The following PI4K2A variants were observed in gnomAD, a reference collection of about 807,000 sequenced individuals.
The protein encoded by PI4K2A is phosphatidylinositol 4-kinase type 2 alpha, also known as phosphatidylinositol 4-kinase type 2-alpha.
PI4K2A carries 20 observed loss-of-function variants against 55.0 expected under a neutral mutation model. The ratio of observed to expected loss-of-function variants is 0.36; its 90% CI spans 0.26 to 0.53. The LOEUF (loss-of-function observed/expected upper bound fraction) is 0.53, where lower values mean the gene tolerates loss of function less well. Ranked by LOEUF, PI4K2A falls within the 20% of genes least tolerant of loss-of-function variation. The pLI is 0.91. For synonymous variants in PI4K2A, 235 were observed against 258.5 expected, an observed-to-expected ratio of 0.91 and a Z score of 0.87; for missense variants, 463 against 637.1, an observed-to-expected ratio of 0.73 and a Z score of 2.94.
chr10:97,648,223 G>A (rs2041514867), intron 1 of PI4K2A, among the ~76,000 whole-genome samples: 1 of 151,472 alleles, frequency 6.6e-6, no homozygotes, highest in African/African-American at 2.4e-5. Flanking sequence ...CTCCCGAGTA[G>A]CTGGGACTAC....
chr10:97,641,261 G>A (rs1338904819), intron 1 of PI4K2A, 84 bp downstream of exon 1: 8 of 991,504 alleles, frequency 8.1e-6, no homozygotes, highest in Middle Eastern at 2.4e-4. Flanking sequence ...CAGCCAGAGG[G>A]AAAAGGGAGA....
At position 97,642,860 on chromosome 10, in the gene PI4K2A, T is replaced by C. The variant is rs1170463655; in HGVS notation, c.435+1683T>C. On this transcript the variant is annotated intron_variant, in intron 1 of 8. Coordinates refer to ENST00000370631, the Ensembl canonical transcript of PI4K2A. ...CTTCCTTCCTTCCTTCCTTTCTTTCTTTCTTTTTCTTTCTTTCTTTCTTTC... is the reference window on the plus strand; with the variant it reads ...CTTCCTTCCTTCCTTCCTTTCTTTCCTTCTTTTTCTTTCTTTCTTTCTTTC... Among the ~76,000 whole-genome samples the C allele has an allele frequency of 3.2e-3, 52 of 16,222 alleles. 5 individuals carry two copies. Among genetic ancestry groups the C allele is most frequent in the Middle Eastern group, 0.026 (1 of 38 alleles). 10.6% of individuals were successfully genotyped at this position (16,222 alleles called of 152,430 possible).
At chr10:97,658,212 T>C (rs1434178422) in intron 4 of PI4K2A, among the ~76,000 whole-genome samples, 1 of 152,220 alleles carries the variant, frequency 6.6e-6, no homozygotes, top group African/African-American at 2.4e-5. Flanking sequence ...CCTACGTCCC[T>C]GGCAACAATC....
intron 1 of PI4K2A, among the ~76,000 whole-genome samples, chr10:97,646,760 G>T (rs1376495592): frequency 6.6e-6 from 1 of 151,978 alleles, no homozygotes; most frequent in African/African-American, 2.4e-5. Context: ...CTGGGTTCCA[G>T]GTTCCAGTAA....
intron 2 of PI4K2A, 102 bp downstream of exon 2, chr10:97,651,243 T>A (rs2041528869): frequency 2.5e-6 from 2 of 800,140 alleles, no homozygotes; most frequent in African/African-American, 3.5e-5. Flanking sequence ...GTGGGGTCAT[T>A]TATACCCTAA....
chr10:97,673,802 G>C (rs1193501285), exon 9 of PI4K2A: 1 of 1,538,544 alleles, frequency 6.5e-7, no homozygotes, highest in Non-Finnish European at 8.9e-7. Flanking sequence ...CTGGGGAGTG[G>C]GGTGCAGGAA....
At chr10:97,657,330 A>T (rs2041559753) in intron 4 of PI4K2A, among the ~76,000 whole-genome samples, 1 of 152,152 alleles carries the variant, frequency 6.6e-6, no homozygotes, top group Non-Finnish European at 1.5e-5. Flanking sequence ...GTGCAATTTA[A>T]ATTCAACTAA....
intron 1 of PI4K2A, among the ~76,000 whole-genome samples, chr10:97,649,563 T>C (rs1371625585): frequency 6.6e-6 from 1 of 151,112 alleles, no homozygotes. Context: ...AGAGGAAATC[T>C]CTTCATCATT....
chr10:97,641,225 G>C (rs768725659), intron 1 of PI4K2A, 48 bp downstream of exon 1: 1 of 1,436,996 alleles, frequency 7.0e-7, no homozygotes, highest in Non-Finnish European at 9.5e-7. Context: ...GGCCGGCGGC[G>C]CTCCTGGGGA....
chr10:97,644,176 C>T (rs1215716271), intron 1 of PI4K2A, among the ~76,000 whole-genome samples: 1 of 152,144 alleles, frequency 6.6e-6, no homozygotes, highest in Non-Finnish European at 1.5e-5. Flanking sequence ...CATGGTGAAA[C>T]CCCATCTCTA....
At chr10:97,641,374 G>A (rs749433138) in intron 1 of PI4K2A, among the ~76,000 whole-genome samples, 197 bp downstream of exon 1, 62 of 152,120 alleles carry the variant, frequency 4.1e-4, no homozygotes, top group Non-Finnish European at 7.9e-4. Context: ...CTACTTGGTG[G>A]GGGAGGAGTG....
rs80186231 is a variant in PI4K2A, at chr10:97,672,336, C to T, written c.1279-1245C>T. Among the ~76,000 whole-genome samples the T allele has an allele frequency of 5.0e-3, 757 of 152,034 alleles. 7 individuals carry two copies. Among genetic ancestry groups the T allele is most frequent in the African/African-American group, 0.017 (694 of 41,506 alleles). On this transcript the variant is annotated intron_variant, in intron 8 of 8. Coordinates refer to ENST00000370631, the Ensembl canonical transcript of PI4K2A. The stretch of plus-strand genomic sequence containing the variant: ...GATTACAGACATGAGCCACTACGCC[C>T]GGACCAAAACCACCTATAATTTCTT...
At chr10:97,643,754 T>C (rs141571508) in intron 1 of PI4K2A, among the ~76,000 whole-genome samples, 1 of 152,222 alleles carries the variant, frequency 6.6e-6, no homozygotes, top group Non-Finnish European at 1.5e-5. Flanking sequence ...CTTACTGTAG[T>C]TGGAATTGTC....
chr10:97,642,850 C>CTTT lies in PI4K2A; in HGVS notation c.435+1673_435+1674insTTT, dbSNP rs1491531542. Reference sequence around the variant, plus strand: ...TCCTTCCTTCCTTCCTTCCTTCCTTCCTTTCTTTCTTTCTTTTTCTTTCTT... The same window carrying CTTT: ...TCCTTCCTTCCTTCCTTCCTTCCTTCTTTCTTTCTTTCTTTCTTTTTCTTTCTT... On this transcript the variant is annotated intron_variant, in intron 1 of 8. Transcript: ENST00000370631. Among the ~76,000 whole-genome samples, 92 of 80,402 alleles carry CTTT rather than the reference C, an allele frequency of 1.1e-3. 3 individuals are homozygous for CTTT. Among genetic ancestry groups the CTTT allele is most frequent in the African/African-American group, 4.1e-3 (89 of 21,798 alleles). The allele number at this position is 80,402 out of a possible 152,430, so 52.7% of individuals were successfully genotyped here.
Position 97,640,773 on chromosome 10 carries a change from G to A in PI4K2A, c.31G>A (p.Glu11Lys), listed in dbSNP as rs547322695. The A allele has an allele frequency of 6.6e-6, 10 of 1,515,068 alleles. No individual in the cohort carries two copies. In the Admixed American group the frequency reaches 8.5e-5, roughly 13 times the overall value. 93.9% of individuals were successfully genotyped at this position (1,515,068 alleles called of 1,614,324 possible). The change falls in exon 1 of 9, where the codon GAG becomes AAG. Residue 11 changes from glutamate to lysine, a missense_variant. Physicochemically the swap from Glu to Lys is moderately conservative, Grantham distance 56. Transcript: ENST00000370631. ...CGAGACGAGCCCACTAGTGTCCCCCGAGCGGGCCCAACCCCCGGACTACAC... is the reference window on the plus strand; with the variant it reads ...CGAGACGAGCCCACTAGTGTCCCCCAAGCGGGCCCAACCCCCGGACTACAC...
At chr10:97,648,247 C>T (rs1264222967) in intron 1 of PI4K2A, among the ~76,000 whole-genome samples, 1 of 152,032 alleles carries the variant, frequency 6.6e-6, no homozygotes, top group Non-Finnish European at 1.5e-5. Flanking sequence ...CATGTGCCAC[C>T]ATGCCTGGCT....
At chr10:97,653,538 C>T (rs937352912) in intron 2 of PI4K2A, among the ~76,000 whole-genome samples, 2 of 152,144 alleles carry the variant, frequency 1.3e-5, no homozygotes, top group African/African-American at 2.4e-5. Context: ...CCCTTTCGTC[C>T]CTATCTTTGG....
chr10:97,672,116 C>T (rs977234362), intron 8 of PI4K2A, among the ~76,000 whole-genome samples: 7 of 151,438 alleles, frequency 4.6e-5, no homozygotes, highest in Non-Finnish European at 1.0e-4. Flanking sequence ...AGTCTTGGCT[C>T]ACTGCAACCT....
At chr10:97,643,322 T>A (rs1262728552) in intron 1 of PI4K2A, among the ~76,000 whole-genome samples, 1 of 152,088 alleles carries the variant, frequency 6.6e-6, no homozygotes, top group African/African-American at 2.4e-5. Flanking sequence ...TTTAGTTTGT[T>A]GGCAAATGTA....
Sources: allele counts gnomAD v4.1 joint callset (sites outside exome capture counted in the v4.1 genomes callset), GRCh38; gene constraint gnomAD v4.1.1; transcripts MANE v1.5; gene names NCBI Gene and HGNC (gene_info 2026-07-23, HGNC 2026-07-21).